Variants in ZNF469 observed in about 807,000 individuals in gnomAD.
ZNF469 encodes the protein zinc finger protein 469.
ZNF469 carries 1 observed loss-of-function variant against 1.0 expected under a neutral mutation model. The ratio of observed to expected loss-of-function variants is 1.00; its 90% CI spans 0.35 to 4.73. ZNF469 has a LOEUF of 4.73. ZNF469 is among the 30% of genes most tolerant of loss of function. ZNF469 has a pLI of 0.16. For missense variants in ZNF469, 6,100 were observed against 5,356.3 expected (o/e 1.14, Z -4.33); for synonymous variants, 2,703 against 2,363.4 (o/e 1.14, Z -4.17).
At chr16:88,107,180 A>G in the ZNF469 span, among the ~76,000 whole-genome samples, 11 of 152,182 alleles carry the variant, frequency 7.2e-5, no homozygotes, top group African/African-American at 2.7e-4. Flanking sequence ...CTGATCCCCA[A>G]AACCTGTGCT....
chr16:88,302,017 T>C, the ZNF469 span, among the ~76,000 whole-genome samples: 1 of 152,218 alleles, frequency 6.6e-6, no homozygotes, highest in African/African-American at 2.4e-5. Flanking sequence ...AGGGAAGCCC[T>C]GAGCTCCACC....
the ZNF469 span, among the ~76,000 whole-genome samples, chr16:88,278,818 C>T: frequency 7.3e-6 from 1 of 136,470 alleles, no homozygotes; most frequent in African/African-American, 2.5e-5. Context: ...CTGTGCCACG[C>T]TGACACTCGG....
chr16:88,439,115 C>T lies in ZNF469; in HGVS notation c.11645C>T (p.Pro3882Leu), dbSNP rs376013703. The change falls in exon 3 of 3, where the codon CCG becomes CTG. Residue 3882 changes from proline to leucine, a missense_variant. Pro to Leu is a moderately conservative substitution (Grantham distance 98). Coordinates refer to ENST00000565624, the MANE Select transcript of ZNF469 (RefSeq NM_001367624.2). ...PPPSEQRKAEPGHTQRKDRLG... is the reference protein window; with the variant it reads ...PPPSEQRKAELGHTQRKDRLG... Reference sequence around the variant, plus strand: ...CCATCAGAGCAGCGGAAGGCAGAGCCGGGCCACACACAGAGGAAGGACAGA... The same window carrying T: ...CCATCAGAGCAGCGGAAGGCAGAGCTGGGCCACACACAGAGGAAGGACAGA... The T allele has an allele frequency of 3.0e-5, 47 of 1,550,856 alleles. No homozygotes were observed. Among genetic ancestry groups the T allele is most frequent in the African/African-American group, 6.8e-5 (5 of 73,064 alleles).
At chr16:88,282,829 A>G in the ZNF469 span, among the ~76,000 whole-genome samples, 1 of 152,042 alleles carries the variant, frequency 6.6e-6, no homozygotes, top group South Asian at 2.1e-4. Flanking sequence ...TAAAAACTCC[A>G]CCCTCCTAAA....
chr16:88,143,976 G>A, the ZNF469 span, among the ~76,000 whole-genome samples: 770 of 152,200 alleles, frequency 5.1e-3, 4 homozygotes, highest in African/African-American at 0.017. Flanking sequence ...CCTTCCTCCC[G>A]CCCATCGTCA....
At chr16:88,333,863 AGT>A in the ZNF469 span, among the ~76,000 whole-genome samples, 65 of 140,964 alleles carry the variant, frequency 4.6e-4, no homozygotes, top group African/African-American at 1.4e-3. Context: ...GGGCAGTTGC[AGT>A]GTGTGTGTGT....
chr16:88,401,730 G>GAT (rs1904874624), intron 1 of ZNF469, among the ~76,000 whole-genome samples: 1 of 149,774 alleles, frequency 6.7e-6, no homozygotes, highest in African/African-American at 2.5e-5. Context: ...TGGGTGGATG[G>GAT]GTGGATGGAT....
rs3812951 is a variant in ZNF469, at chr16:88,438,445, G to A, written c.10975G>A (p.Gly3659Arg). ...GTCCTCAAGCCACATGGTGTCTGAG[G>A]GGGGGCCCCGAGGCGCCTTCCACAA... ...EVSSSHMVSE[G>R]GPRGAFHKGS... The change falls in exon 3 of 3, where the codon GGG becomes AGG. Residue 3659 changes from glycine (G) to arginine (R), a missense_variant. Gly to Arg is a moderately radical substitution (Grantham distance 125, BLOSUM62 -2). Coordinates refer to ENST00000565624, the MANE Select transcript of ZNF469 (RefSeq NM_001367624.2). 0.011 allele frequency: 17,026 copies of A among 1,550,090 alleles called. 210 individuals carry two copies. The highest frequency in any genetic ancestry group is 0.056 in the African/African-American group (4,124 of 73,150).
Position 88,434,966 on chromosome 16 carries a change from C to G in ZNF469, c.7496C>G (p.Pro2499Arg). 6.5e-7 allele frequency: 1 copy of G among 1,549,902 alleles called. No individual in the cohort carries two copies. Among genetic ancestry groups the G allele is most frequent in the Non-Finnish European group, 8.7e-7 (1 of 1,146,844 alleles). The change falls in exon 3 of 3, where the codon CCG (proline) becomes CGG (arginine). Residue 2499 changes from proline to arginine, a missense_variant. Physicochemically the swap from Pro to Arg is moderately radical, Grantham distance 103. Coordinates refer to ENST00000565624, the MANE Select transcript of ZNF469 (RefSeq NM_001367624.2). ...RHKARKHRPH[P>R]GAPAEPSPAA... ...AAGGCCAGGAAGCACCGGCCACACC[C>G]GGGAGCCCCCGCGGAGCCGAGCCCA...
the ZNF469 span, among the ~76,000 whole-genome samples, chr16:88,311,973 A>C: frequency 6.6e-6 from 1 of 152,202 alleles, no homozygotes; most frequent in Admixed American, 6.5e-5. Flanking sequence ...TTTATAAAGG[A>C]AAGAAGTTTA....
chr16:88,160,537 C>T, the ZNF469 span, among the ~76,000 whole-genome samples: 7 of 152,190 alleles, frequency 4.6e-5, no homozygotes, highest in Admixed American at 2.0e-4. Context: ...GCATGTGGGC[C>T]GTGGGCAGAG....
chr16:88,219,250 C>T, the ZNF469 span, among the ~76,000 whole-genome samples: 1 of 150,652 alleles, frequency 6.6e-6, no homozygotes, highest in Non-Finnish European at 1.5e-5. Flanking sequence ...CCTTTCCTCA[C>T]AGATTTGGAA....
the ZNF469 span, among the ~76,000 whole-genome samples, chr16:88,126,835 G>T: frequency 6.8e-6 from 1 of 148,096 alleles, no homozygotes; most frequent in Non-Finnish European, 1.5e-5. Context: ...TGTGTTTTTG[G>T]TAGAGATGGG....
chr16:88,374,050 A>T, the ZNF469 span, among the ~76,000 whole-genome samples: 4 of 151,962 alleles, frequency 2.6e-5, no homozygotes, highest in African/African-American at 7.3e-5. Flanking sequence ...GAGCCATTCC[A>T]AGCTGAGGAA....
intron 1 of ZNF469, among the ~76,000 whole-genome samples, chr16:88,421,283 G>A (rs1425353591): frequency 6.6e-6 from 1 of 152,192 alleles, no homozygotes; most frequent in Non-Finnish European, 1.5e-5. Context: ...CTAAAGAGGG[G>A]CCAGTTCCTA....
chr16:88,315,337 G>T, the ZNF469 span, among the ~76,000 whole-genome samples: 1 of 152,232 alleles, frequency 6.6e-6, no homozygotes, highest in Non-Finnish European at 1.5e-5. Flanking sequence ...CCACCATCCT[G>T]TGTGTCACTG....
At chr16:88,425,458 G>A (rs1474607125) in intron 2 of ZNF469, among the ~76,000 whole-genome samples, 1 of 134,164 alleles carries the variant, frequency 7.5e-6, no homozygotes, top group Non-Finnish European at 1.5e-5. Context: ...CAGGGCAGGA[G>A]ATGTGCAGGG....
the ZNF469 span, among the ~76,000 whole-genome samples, chr16:88,279,034 CA>C: frequency 4.5e-5 from 6 of 134,258 alleles, no homozygotes; most frequent in East Asian, 2.2e-4. Context: ...TGTACCACGC[CA>C]ACGCTCAGTC....
the ZNF469 span, among the ~76,000 whole-genome samples, chr16:88,318,904 C>T: frequency 6.6e-6 from 1 of 152,264 alleles, no homozygotes; most frequent in East Asian, 1.9e-4. Context: ...ACCAGGGCAG[C>T]AGCATCTTCA....
Sources: gnomAD v4.1 joint callset for allele counts (sites outside exome capture counted in the v4.1 genomes callset) on GRCh38, gnomAD v4.1.1 for gene constraint, MANE v1.5 for transcripts, NCBI Gene and HGNC (gene_info 2026-07-23, HGNC 2026-07-21) for gene names.